Variants in SLC4A4 observed in about 807,000 individuals in gnomAD.
SLC4A4 encodes electrogenic sodium bicarbonate cotransporter 1.
SLC4A4 carries 27 observed loss-of-function variants against 111.5 expected under a neutral mutation model. The ratio of observed to expected loss-of-function variants is 0.24; its 90% confidence interval spans 0.18 to 0.33. SLC4A4 has a LOEUF of 0.33. SLC4A4 is among the 10% of genes least tolerant of loss of function. SLC4A4 has a pLI of 1.00. For synonymous variants in SLC4A4, 443 were observed against 463.4 expected, an observed-to-expected ratio of 0.96 and a Z score of 0.57; for missense variants, 909 against 1,315.5, an observed-to-expected ratio of 0.69 and a Z score of 4.78.
chr4:71,359,427 A>C (rs1730565905), intron 6 of SLC4A4, among the ~76,000 whole-genome samples: 1 of 152,186 alleles, frequency 6.6e-6, no homozygotes, highest in South Asian at 2.1e-4. Context: ...AAATATCCAG[A>C]GGCAAGATTT....
At chr4:71,368,601 A>C (rs1731558858) in intron 6 of SLC4A4, among the ~76,000 whole-genome samples, 1 of 152,202 alleles carries the variant, frequency 6.6e-6, no homozygotes, top group South Asian at 2.1e-4. Context: ...CTGCTTACTA[A>C]TACGACACCC....
rs182202887 is a variant in SLC4A4, at chr4:71,355,650, A to G, written c.551-1358A>G. ...CCTCTGCTTGGCTTCCAAACAGTTG[A>G]TAGTACATTGTGTAAATTGCCAGTT... On this transcript the variant is annotated intron_variant, in intron 5 of 25. Coordinates refer to ENST00000264485, the MANE Select transcript of SLC4A4 (RefSeq NM_001098484.3). Among the ~76,000 whole-genome samples, 40 of 152,280 alleles carry G rather than the reference A, an allele frequency of 2.6e-4. 1 individual carries two copies. Among genetic ancestry groups the G allele is most frequent in the Non-Finnish European group, 5.3e-4 (36 of 68,024 alleles).
At position 71,472,774 on chromosome 4, in the gene SLC4A4, A is replaced by C. The variant is rs749984307; in HGVS notation, c.1707A>C (p.Val569=). 1.2e-6 allele frequency: 2 copies of C among 1,612,898 alleles called. No homozygotes were observed. The highest frequency in any genetic ancestry group is 1.7e-6 in the Non-Finnish European group (2 of 1,179,322). ...CCGCCTTCCTATGTCTCATTTTGGT[A>C]GCCACTGATGCCAGCTTCTTGGTTC... ...LWSAFLCLIL[V]ATDASFLVQY... Residue 569 remains valine (V), a synonymous_variant, in exon 14 of 26, where the codon GTA becomes GTC. Coordinates refer to ENST00000264485, the MANE Select transcript of SLC4A4 (RefSeq NM_001098484.3).
At chr4:71,401,852 G>A (rs1176146853) in intron 7 of SLC4A4, among the ~76,000 whole-genome samples, 1 of 152,154 alleles carries the variant, frequency 6.6e-6, no homozygotes, top group Non-Finnish European at 1.5e-5. Flanking sequence ...GATTGCAGTG[G>A]ATGCAGTAGA....
chr4:71,097,503 A>G (rs1279186296), intron 2 of SLC4A4, among the ~76,000 whole-genome samples: 1 of 152,144 alleles, frequency 6.6e-6, no homozygotes, highest in African/African-American at 2.4e-5. Context: ...GTGTGTCTTT[A>G]TGGTAGAATA....
At chr4:71,133,208 G>C (rs1412106219) in intron 2 of SLC4A4, among the ~76,000 whole-genome samples, 1 of 152,058 alleles carries the variant, frequency 6.6e-6, no homozygotes, top group African/African-American at 2.4e-5. Context: ...GTTAACATGG[G>C]AACCATTAAG....
At chr4:71,555,342 C>T (rs946809955) in intron 21 of SLC4A4, 134 bp downstream of exon 21, 1 of 746,652 alleles carries the variant, frequency 1.3e-6, no homozygotes. Context: ...TTTTCTACTT[C>T]ACCATTCACC....
chr4:71,116,781 A>C (rs1743279288), intron 2 of SLC4A4, among the ~76,000 whole-genome samples: 2 of 152,056 alleles, frequency 1.3e-5, no homozygotes, highest in South Asian at 4.1e-4. Context: ...CTGTCTCTAC[A>C]AAAAATACAA....
chr4:71,184,271 G>C (rs1261011613), upstream of SLC4A4, among the ~76,000 whole-genome samples: 1 of 152,138 alleles, frequency 6.6e-6, no homozygotes, highest in African/African-American at 2.4e-5. Context: ...ACAACTTCTT[G>C]TTTTAGAATC....
intron 18 of SLC4A4, among the ~76,000 whole-genome samples, chr4:71,536,222 G>GT (rs1734407245): frequency 6.6e-6 from 1 of 151,294 alleles, no homozygotes; most frequent in South Asian, 2.1e-4. Context: ...CTTTGCTGTA[G>GT]TCAATGGGTC....
chr4:71,552,939 G>A (rs1736161079), intron 20 of SLC4A4, among the ~76,000 whole-genome samples: 1 of 151,658 alleles, frequency 6.6e-6, no homozygotes, highest in African/African-American at 2.4e-5. Context: ...AATTTCTATT[G>A]CAAGAAATGA....
At chr4:71,192,767 A>G (rs1399407784) in intron 1 of SLC4A4, among the ~76,000 whole-genome samples, 1 of 152,194 alleles carries the variant, frequency 6.6e-6, no homozygotes, top group Non-Finnish European at 1.5e-5. Flanking sequence ...CGATTTACCT[A>G]AGTGAACATG....
At chr4:71,546,788 T>A (rs923284760) in intron 19 of SLC4A4, among the ~76,000 whole-genome samples, 3 of 152,026 alleles carry the variant, frequency 2.0e-5, no homozygotes, top group Non-Finnish European at 4.4e-5. Flanking sequence ...ATTACTTTTT[T>A]TCAACATGCA....
Position 71,482,241 on chromosome 4 carries a change from T to G in SLC4A4, c.1904-4707T>G, listed in dbSNP as rs561382593. Among the ~76,000 whole-genome samples the G allele has an allele frequency of 1.4e-4, 22 of 151,810 alleles. No homozygotes were observed. In the East Asian group the frequency reaches 4.1e-3, roughly 28 times the overall value. ...CAATATGCAATTATGAAACTGCTTT[T>G]TAAATGTATTTATTTTCAAGTCTTT... On this transcript the variant is annotated intron_variant, in intron 14 of 25. Transcript: ENST00000264485.
intron 12 of SLC4A4, among the ~76,000 whole-genome samples, chr4:71,454,133 A>G (rs889371169): frequency 3.9e-5 from 6 of 152,164 alleles, no homozygotes; most frequent in Non-Finnish European, 5.9e-5. Context: ...GTTTACCAGT[A>G]TAATTTGGTT....
rs746159255 is a variant in SLC4A4, at chr4:71,472,989, G to T, written c.1903+19G>T. The T allele has an allele frequency of 1.9e-6, 3 of 1,612,712 alleles. No homozygotes were observed. ...GACCCAGGTGAGGGCATTACGCTTT[G>T]TGTTTATGCTCGCTTTGTATTTGGA... On this transcript the variant is annotated intron_variant, in intron 14 of 25. Transcript: ENST00000264485.
rs550582671 is a variant in SLC4A4, at chr4:71,445,217, C to T, written c.966-2429C>T. ...ATATTTTATAGAAAATGTCTGTCCT[C>T]GTCTCATAGGATGTAACTTGGAGGC... On this transcript the variant is annotated intron_variant, in intron 8 of 25. Coordinates refer to ENST00000264485, the MANE Select transcript of SLC4A4 (RefSeq NM_001098484.3). Among the ~76,000 whole-genome samples the T allele has an allele frequency of 5.3e-5, 8 of 152,206 alleles. 1 individual carries two copies. The highest frequency in any genetic ancestry group is 2.0e-4 in the Admixed American group (3 of 15,282).
chr4:71,390,557 C>G (rs1375943243), intron 6 of SLC4A4, among the ~76,000 whole-genome samples: 2 of 152,098 alleles, frequency 1.3e-5, no homozygotes, highest in Non-Finnish European at 2.9e-5. Context: ...TATTTCCCCC[C>G]TTCTTTTCTT....
intron 3 of SLC4A4, chr4:71,339,123 A>T (rs920638613): frequency 9.6e-5 from 154 of 1,609,942 alleles, no homozygotes; most frequent in Admixed American, 1.3e-4. Flanking sequence ...CATCACACAG[A>T]ATTGGAGTGC....
Sources: gnomAD v4.1 joint callset for allele counts (sites outside exome capture counted in the v4.1 genomes callset) on GRCh38, gnomAD v4.1.1 for gene constraint, MANE v1.5 for transcripts, NCBI Gene and HGNC (gene_info 2026-07-23, HGNC 2026-07-21) for gene names.